Variants in ATG7 observed in about 807,000 individuals in gnomAD.
ATG7 encodes the protein autophagy related 7.
ATG7 carries 70 observed loss-of-function variants against 82.4 expected under a neutral mutation model. The ratio of observed to expected loss-of-function variants is 0.85; its 90% confidence interval spans 0.70 to 1.04. ATG7 has a LOEUF of 1.04. ATG7 is among the 50% of genes least tolerant of loss of function. The pLI is 0.00. For synonymous variants in ATG7, 287 were observed against 313.0 expected, an observed-to-expected ratio of 0.92 and a Z score of 0.88; for missense variants, 792 against 864.3, an observed-to-expected ratio of 0.92 and a Z score of 1.05.
chr3:11,571,509 C>G, the ATG7 span, among the ~76,000 whole-genome samples: 1 of 152,016 alleles, frequency 6.6e-6, no homozygotes, highest in African/African-American at 2.4e-5. Context: ...CATGGCAAAA[C>G]CCCGTCTCTA....
rs113372221 is a variant in ATG7, at chr3:11,391,961, G to A, written c.1956+11909G>A. On this transcript the variant is annotated intron_variant, in intron 19 of 20. Coordinates refer to ENST00000693202, the MANE Select transcript of ATG7 (RefSeq NM_001349232.2). ...CATAGAATTCCATTGTACTTATTGG[G>A]GGGGGGGTAATTTCACTTTAAATTT... 2.3e-3 allele frequency among the ~76,000 whole-genome samples: 329 copies of A among 142,754 alleles called. 1 individual carries two copies. Among genetic ancestry groups the A allele is most frequent in the African/African-American group, 8.2e-3 (314 of 38,128 alleles). 93.7% of individuals were successfully genotyped at this position (142,754 alleles called of 152,430 possible).
At chr3:11,312,181 A>G (rs1291475763) in intron 7 of ATG7, among the ~76,000 whole-genome samples, 2 of 152,210 alleles carry the variant, frequency 1.3e-5, no homozygotes, top group Non-Finnish European at 1.5e-5. Context: ...AACGTAAATT[A>G]TATCTCAATA....
rs556755188 is a variant in ATG7, at chr3:11,413,596, A to G, written c.1957-13208A>G. On this transcript the variant is annotated intron_variant, in intron 19 of 20. Coordinates refer to ENST00000693202, the MANE Select transcript of ATG7 (RefSeq NM_001349232.2). Reference sequence around the variant, plus strand: ...GTCACACAAAAAACTGACTTAATAAATGAATTCAGCAAAGTAGCAGAATGC... The same window carrying G: ...GTCACACAAAAAACTGACTTAATAAGTGAATTCAGCAAAGTAGCAGAATGC... 1.2e-4 allele frequency among the ~76,000 whole-genome samples: 18 copies of G among 152,002 alleles called. No homozygotes were observed. The South Asian group carries it at 3.5e-3, about 30-fold the overall frequency.
intron 20 of ATG7, among the ~76,000 whole-genome samples, chr3:11,461,863 A>G (rs2086336922): frequency 6.6e-6 from 1 of 151,872 alleles, no homozygotes; most frequent in South Asian, 2.1e-4. Flanking sequence ...TATCTTTACT[A>G]AAAATACAAA....
intron 19 of ATG7, among the ~76,000 whole-genome samples, chr3:11,419,319 G>T (rs1033364263): frequency 3.3e-5 from 5 of 152,132 alleles, no homozygotes; most frequent in Non-Finnish European, 7.4e-5. Context: ...TTGGGAGGCC[G>T]AGGTGGGTGG....
At chr3:11,504,228 G>A (rs957334234) in intron 20 of ATG7, among the ~76,000 whole-genome samples, 2 of 152,128 alleles carry the variant, frequency 1.3e-5, no homozygotes, top group Admixed American at 1.3e-4. Flanking sequence ...ACTGGAAACT[G>A]GAAATCAATG....
At chr3:11,489,300 G>C (rs1354081057) in intron 20 of ATG7, among the ~76,000 whole-genome samples, 1 of 152,118 alleles carries the variant, frequency 6.6e-6, no homozygotes, top group Non-Finnish European at 1.5e-5. Flanking sequence ...ATGGTATTTT[G>C]TATTTCTGTG....
intron 20 of ATG7, among the ~76,000 whole-genome samples, chr3:11,499,072 C>T (rs1428845274): frequency 1.3e-5 from 2 of 152,218 alleles, no homozygotes; most frequent in East Asian, 1.9e-4. Context: ...TAGGACCAAA[C>T]AATTTCATAG....
chr3:11,549,053 T>G (rs929491283), intron 20 of ATG7, among the ~76,000 whole-genome samples: 1 of 151,762 alleles, frequency 6.6e-6, no homozygotes, highest in Non-Finnish European at 1.5e-5. Flanking sequence ...GCCAGCGTTA[T>G]CTCAGTGCAG....
intron 9 of ATG7, among the ~76,000 whole-genome samples, chr3:11,317,274 G>A (rs1268266888): frequency 1.3e-5 from 2 of 152,156 alleles, no homozygotes; most frequent in Non-Finnish European, 2.9e-5. Context: ...CCAATCTAGT[G>A]TGAAGTCCTC....
downstream of ATG7, among the ~76,000 whole-genome samples, chr3:11,559,830 C>T (rs533988236): frequency 4.4e-4 from 67 of 152,318 alleles, no homozygotes; most frequent in African/African-American, 1.5e-3. Context: ...GAGCCCTTCC[C>T]ATCATGTCCA....
chr3:11,359,586 C>G (rs2076156601), intron 15 of ATG7, among the ~76,000 whole-genome samples: 2 of 151,976 alleles, frequency 1.3e-5, no homozygotes, highest in South Asian at 4.2e-4. Context: ...CTCCCAGCTA[C>G]TCAGGAGGGT....
At chr3:11,458,341 G>A (rs542071324) in intron 20 of ATG7, among the ~76,000 whole-genome samples, 24 of 152,202 alleles carry the variant, frequency 1.6e-4, no homozygotes, top group African/African-American at 5.5e-4. Flanking sequence ...TCCGCTCACT[G>A]CAAGCTCCGC....
At chr3:11,291,472 G>C (rs1193687749) in intron 3 of ATG7, among the ~76,000 whole-genome samples, 2 of 152,192 alleles carry the variant, frequency 1.3e-5, no homozygotes. Context: ...TATCATCTCA[G>C]CTCTACCACT....
At chr3:11,365,208 G>A (rs1030680462) in intron 18 of ATG7, among the ~76,000 whole-genome samples, 9 of 152,162 alleles carry the variant, frequency 5.9e-5, no homozygotes, top group African/African-American at 1.9e-4. Flanking sequence ...GTATATCATA[G>A]GCCCTCAACA....
At chr3:11,487,471 C>A (rs1430089738) in intron 20 of ATG7, among the ~76,000 whole-genome samples, 6 of 71,388 alleles carry the variant, frequency 8.4e-5, no homozygotes, top group African/African-American at 1.7e-4. Context: ...GGGCTGACCC[C>A]CCAACCTCCC....
intron 20 of ATG7, among the ~76,000 whole-genome samples, chr3:11,495,044 C>A (rs973091863): frequency 6.6e-6 from 1 of 151,944 alleles, no homozygotes; most frequent in African/African-American, 2.4e-5. Context: ...TGCACTCCAG[C>A]CTGGGTGACA....
the ATG7 span, among the ~76,000 whole-genome samples, chr3:11,574,779 CTATA>C: frequency 1.3e-4 from 16 of 121,862 alleles, no homozygotes; most frequent in African/African-American, 4.3e-4. Context: ...GTCAATTCAA[CTATA>C]TATGTGTGTG....
intron 18 of ATG7, among the ~76,000 whole-genome samples, chr3:11,366,243 ACT>A (rs2076602055): frequency 6.6e-6 from 1 of 150,904 alleles, no homozygotes; most frequent in African/African-American, 2.5e-5. Flanking sequence ...AAAAAATAGA[ACT>A]TGTAGAGTTC....
Sources: allele counts gnomAD v4.1 joint callset (sites outside exome capture counted in the v4.1 genomes callset), GRCh38; gene constraint gnomAD v4.1.1; transcripts MANE v1.5; gene names NCBI Gene and HGNC (gene_info 2026-07-23, HGNC 2026-07-21).